CHM: variants seen among roughly 807,000 people sequenced by gnomAD.
The protein encoded by CHM is CHM Rab escort protein, also known as rab proteins geranylgeranyltransferase component A 1.
In CHM, 10 loss-of-function variants were observed where a neutral mutation model predicts 49.0. That is an observed-to-expected ratio of 0.20 (90% confidence interval 0.13 to 0.35). The LOEUF is 0.35. Among genes scored for constraint, CHM ranks in the 10% least tolerant of loss-of-function variants. CHM has a pLI of 1.00. For missense variants in CHM, 455 were observed against 478.4 expected, an observed-to-expected ratio of 0.95 and a Z score of 0.46; for synonymous variants, 184 against 167.5, an observed-to-expected ratio of 1.10 and a Z score of -0.76.
At chrX:85,983,225 C>T (rs1482754937) in intron 2 of CHM, among the ~76,000 whole-genome samples, 4 of 110,725 alleles carry the variant, frequency 3.6e-5, no homozygotes, top group Non-Finnish European at 3.8e-5. Context: ...ATGGTCTCTT[C>T]GGAAATAATG....
At chrX:85,904,283 C>G (rs112662074) in intron 9 of CHM, among the ~76,000 whole-genome samples, 1 of 111,147 alleles carries the variant, frequency 9.0e-6, no homozygotes, top group Non-Finnish European at 1.9e-5. Flanking sequence ...TCTCCAGTTA[C>G]AGGGACACAA....
intron 2 of CHM, among the ~76,000 whole-genome samples, chrX:86,025,935 G>A (rs901487516): frequency 3.6e-5 from 4 of 110,000 alleles, no homozygotes; most frequent in Non-Finnish European, 7.6e-5. Flanking sequence ...CTAGCACGTA[G>A]TGCAAGCTCA....
At chrX:85,887,788 G>T (rs36157858) in intron 12 of CHM, among the ~76,000 whole-genome samples, 1 of 111,410 alleles carries the variant, frequency 9.0e-6, no homozygotes, top group African/African-American at 3.3e-5. Flanking sequence ...TTATGTTTTA[G>T]CAAAGAGACT....
intron 2 of CHM, among the ~76,000 whole-genome samples, chrX:86,023,249 T>C (rs1219753904): frequency 9.0e-6 from 1 of 111,365 alleles, no homozygotes; most frequent in Non-Finnish European, 1.9e-5. Flanking sequence ...CCTACCTTTG[T>C]ACCCTCAACT....
chrX:85,952,465 C>T (rs1016537599), intron 8 of CHM, among the ~76,000 whole-genome samples: 1 of 111,492 alleles, frequency 9.0e-6, no homozygotes, highest in African/African-American at 3.3e-5. Context: ...ATACCATGGA[C>T]GATAAGGGAA....
rs1931439189 is a variant in CHM at position 85,978,846 on chromosome X, T to G, written c.235A>C (p.Ile79Leu). The change falls in exon 4 of 15, where the codon ATC (isoleucine) becomes CTC (leucine). Residue 79 changes from isoleucine to leucine, a missense_variant. Transcript: ENST00000357749. ...GCAATGGCTTCTTCATTTTCAAGGA[T>G]CTGGTCTTGCCACACTGGACTGTCA... The part of the protein sequence containing the change: ...VSDSPVWQDQ[I>L]LENEEAIALS... The G allele has an allele frequency of 8.3e-7, 1 of 1,205,449 alleles. No homozygotes were observed. The highest frequency in any genetic ancestry group is 1.8e-5 in the South Asian group (1 of 56,737).
At chrX:85,872,885 G>A (rs1475536771) in intron 14 of CHM, among the ~76,000 whole-genome samples, 167 bp downstream of exon 14, 4 of 111,844 alleles carry the variant, frequency 3.6e-5, no homozygotes, top group African/African-American at 1.3e-4. Context: ...TGTATTTAAA[G>A]TATATTTAAA....
chrX:86,009,423 C>G (rs1462884728), intron 2 of CHM, among the ~76,000 whole-genome samples: 1 of 112,091 alleles, frequency 8.9e-6, no homozygotes, highest in Non-Finnish European at 1.9e-5. Flanking sequence ...AAAGTGTACA[C>G]TAACACAAGG....
intron 8 of CHM, among the ~76,000 whole-genome samples, chrX:85,937,793 G>A (rs1347946115): frequency 3.8e-5 from 4 of 104,624 alleles, no homozygotes; most frequent in African/African-American, 1.1e-4. Context: ...GCAGTGAGTC[G>A]AGATCCTGCC....
chrX:86,034,291 G>C (rs1934151256), intron 1 of CHM, among the ~76,000 whole-genome samples: 1 of 111,850 alleles, frequency 8.9e-6, no homozygotes, highest in African/African-American at 3.3e-5. Context: ...ATAAAAAGAG[G>C]CTTCTGTAAA....
At chrX:85,901,044 A>T (rs1174442468) in intron 10 of CHM, 40 bp downstream of exon 10, 7 of 943,980 alleles carry the variant, frequency 7.4e-6, no homozygotes. Context: ...GAATGTCAAT[A>T]AAATTACCTT....
chrX:86,004,132 T>A (rs912522517), intron 2 of CHM, among the ~76,000 whole-genome samples: 4 of 111,830 alleles, frequency 3.6e-5, no homozygotes, highest in African/African-American at 1.3e-4. Context: ...GAAAGAATTT[T>A]CAAACCAGAA....
intron 2 of CHM, among the ~76,000 whole-genome samples, chrX:85,988,751 T>G (rs764171277): frequency 3.6e-5 from 4 of 111,350 alleles, no homozygotes; most frequent in South Asian, 7.7e-4. Context: ...TCATTCACAA[T>G]TACCACAAAA....
chrX:85,867,955 G>A (rs1923803674), intron 14 of CHM, among the ~76,000 whole-genome samples: 1 of 110,949 alleles, frequency 9.0e-6, no homozygotes, highest in Admixed American at 9.6e-5. Context: ...AAGGTCACTT[G>A]ATATACACTG....
chrX:85,862,312 A>C lies in CHM; in HGVS notation c.*2318T>G, dbSNP rs1423201036. The C allele has an allele frequency of 8.9e-6, 1 of 112,519 alleles. No homozygotes were observed. Among genetic ancestry groups the C allele is most frequent in the East Asian group, 2.8e-4 (1 of 3,586 alleles). The allele number at this position is 112,519 out of a possible 1,213,427, so 9.3% of individuals were successfully genotyped here. On this transcript the variant is annotated 3_prime_UTR_variant, in exon 15 of 15. Transcript: ENST00000357749. Reference sequence around the variant, plus strand: ...CTGTTTACATGAATGTGCATGCTGCATTCAAGCGGCTTTAACTCTAAGACC... The same window carrying C: ...CTGTTTACATGAATGTGCATGCTGCCTTCAAGCGGCTTTAACTCTAAGACC...
At chrX:85,919,447 T>G (rs1231538120) in intron 8 of CHM, among the ~76,000 whole-genome samples, 1 of 111,491 alleles carries the variant, frequency 9.0e-6, no homozygotes, top group African/African-American at 3.3e-5. Context: ...TTATGAAGTA[T>G]TTTTAGGCTA....
At chrX:85,871,263 C>A (rs779321571) in intron 14 of CHM, among the ~76,000 whole-genome samples, 8 of 93,136 alleles carry the variant, frequency 8.6e-5, no homozygotes, top group African/African-American at 3.3e-4. Flanking sequence ...GCCAAGATTG[C>A]GCCACTGCAC....
At chrX:86,015,372 T>C (rs1264544089) in intron 2 of CHM, among the ~76,000 whole-genome samples, 1 of 112,149 alleles carries the variant, frequency 8.9e-6, no homozygotes, top group African/African-American at 3.2e-5. Context: ...TGTGGAACTG[T>C]AAGTCCAATT....
At chrX:85,895,015 T>A (rs781527077) in intron 11 of CHM, among the ~76,000 whole-genome samples, 1 of 111,451 alleles carries the variant, frequency 9.0e-6, no homozygotes, top group East Asian at 2.8e-4. Flanking sequence ...AAAAGTAAAA[T>A]GTAAAATTAT....
Sources: gnomAD v4.1 joint callset for allele counts (sites outside exome capture counted in the v4.1 genomes callset) on GRCh38, gnomAD v4.1.1 for gene constraint, MANE v1.5 for transcripts, NCBI Gene and HGNC (gene_info 2026-07-23, HGNC 2026-07-21) for gene names.